Variants in NSA2 observed in about 807,000 individuals in gnomAD.
NSA2 encodes the protein NSA2 ribosome biogenesis factor.
A neutral mutation model predicts 34.8 loss-of-function variants in NSA2; 18 were observed. The observed-to-expected ratio is 0.52, with a 90% CI of 0.36 to 0.77. The LOEUF is 0.77. Among genes scored for constraint, NSA2 ranks in the 30% least tolerant of loss-of-function variants. NSA2 has a pLI of 0.00. For missense variants in NSA2, 188 were observed against 314.7 expected (o/e 0.60, Z 3.05); for synonymous variants, 79 against 100.2 (o/e 0.79, Z 1.26).
In NSA2 at chr5:74,770,562, A is replaced by T. The variant is rs1744883795; in HGVS notation, c.343-69A>T. On this transcript the variant is annotated intron_variant, in intron 3 of 5. Coordinates refer to ENST00000610426, the MANE Select transcript of NSA2 (RefSeq NM_014886.6). ...ATAGATCTATTACTTTGTACAACTA[A>T]AACATATTTGACTTATTCTCATTGT... 4 of 1,272,514 alleles carry T rather than the reference A, an allele frequency of 3.1e-6. No homozygotes were observed. In the East Asian group the frequency reaches 7.1e-5, roughly 23 times the overall value. The allele number at this position is 1,272,514 out of a possible 1,614,324, so 78.8% of individuals were successfully genotyped here. A position where few individuals can be genotyped will look rare whatever the true frequency, so the allele number is the denominator to read the frequency against.
In NSA2 at chr5:74,779,400, C is replaced by T. The variant is rs142619306; in HGVS notation, c.*2729C>T. The T allele has an allele frequency of 1.4e-4, 22 of 152,130 alleles. No individual in the cohort carries two copies. The highest frequency in any genetic ancestry group is 3.4e-3 in the Middle Eastern group (1 of 292). The allele number at this position is 152,130 out of a possible 1,614,324, so 9.4% of individuals were successfully genotyped here. ...GCAAGGATGACACAAATTCATGAAG[C>T]GTTTCCATGTTTAAAATAATTTGAA... On this transcript the variant is annotated 3_prime_UTR_variant, in exon 6 of 6. Transcript: ENST00000610426.
intron 5 of NSA2, among the ~76,000 whole-genome samples, chr5:74,775,382 G>A (rs1443095770): frequency 1.3e-5 from 2 of 151,836 alleles, no homozygotes; most frequent in Non-Finnish European, 2.9e-5. Context: ...TGGGGAGGCC[G>A]AGGCAGGCGG....
At chr5:74,773,685 C>A (rs1334275646) in intron 4 of NSA2, among the ~76,000 whole-genome samples, 183 bp from the exon 5 acceptor site, 1 of 152,106 alleles carries the variant, frequency 6.6e-6, no homozygotes, top group East Asian at 1.9e-4. Context: ...GTTTTCCCCA[C>A]ATATTTATAC....
intron 1 of NSA2, 79 bp downstream of exon 1, chr5:74,767,442 G>A: frequency 3.9e-6 from 6 of 1,557,110 alleles, no homozygotes; most frequent in Non-Finnish European, 5.3e-6. Flanking sequence ...CGCTGGGGTA[G>A]GGGGTGAGCG....
At position 74,774,429 on chromosome 5, in the gene NSA2, C is replaced by T. The variant is rs1745044088; in HGVS notation, c.715+369C>T. 3.3e-5 allele frequency among the ~76,000 whole-genome samples: 5 copies of T among 151,802 alleles called. No homozygotes were observed. The South Asian group carries it at 1.0e-3, about 32-fold the overall frequency. ...CCAGCCTGGCCAACATGGCAAAACCCCACCTCTACTAAAAATACAAAAAAA... is the reference window on the plus strand; with the variant it reads ...CCAGCCTGGCCAACATGGCAAAACCTCACCTCTACTAAAAATACAAAAAAA... On this transcript the variant is annotated intron_variant, in intron 5 of 5. Coordinates refer to ENST00000610426, the MANE Select transcript of NSA2 (RefSeq NM_014886.6).
chr5:74,775,202 C>T lies in NSA2; in HGVS notation c.715+1142C>T, dbSNP rs747369428. Among the ~76,000 whole-genome samples the T allele has an allele frequency of 1.4e-4, 21 of 152,138 alleles. No homozygotes were observed. In the South Asian group the frequency reaches 1.9e-3, roughly 14 times the overall value. ...TTGCACTCCAGCCTGGATGACAGAG[C>T]GAGACTCTGTCTCAAAAAGTAATAA... On this transcript the variant is annotated intron_variant, in intron 5 of 5. Coordinates refer to ENST00000610426, the MANE Select transcript of NSA2 (RefSeq NM_014886.6).
chr5:74,772,355 G>A (rs1057216605), intron 4 of NSA2, among the ~76,000 whole-genome samples: 5 of 152,018 alleles, frequency 3.3e-5, no homozygotes, highest in Non-Finnish European at 7.4e-5. Flanking sequence ...CTCGATCTCC[G>A]TGATCCGCCC....
chr5:74,769,541 A>C, intron 3 of NSA2, 177 bp downstream of exon 3: 1 of 481,158 alleles, frequency 2.1e-6, no homozygotes, highest in Non-Finnish European at 3.5e-6. Flanking sequence ...ATAAGGTTTT[A>C]AAATTTAAGT....
At chr5:74,770,897 TA>T (rs918852696) in intron 4 of NSA2, 87 bp downstream of exon 4, 1 of 1,032,248 alleles carries the variant, frequency 9.7e-7, no homozygotes, top group African/African-American at 1.7e-5. Flanking sequence ...TGAAATTCTT[TA>T]AATTGATGTG....
At chr5:74,767,709 G>A (rs979694657) in intron 1 of NSA2, among the ~76,000 whole-genome samples, 2 of 152,190 alleles carry the variant, frequency 1.3e-5, no homozygotes, top group African/African-American at 4.8e-5. Context: ...CCCTTGTACA[G>A]TCTTAGATGT....
In NSA2 at chr5:74,776,999, C is replaced by G. The variant is rs1379932964; in HGVS notation, c.*328C>G. The G allele has an allele frequency of 5.5e-6, 1 of 181,992 alleles. No homozygotes were observed. The highest frequency in any genetic ancestry group is 2.4e-5 in the African/African-American group (1 of 42,322). 11.3% of individuals were successfully genotyped at this position (181,992 alleles called of 1,614,324 possible). ...AATGCCTTTCAAAAAGGTTAATACACAATTATGTGTCTGAGAATTTAACTG... is the reference window on the plus strand; with the variant it reads ...AATGCCTTTCAAAAAGGTTAATACAGAATTATGTGTCTGAGAATTTAACTG... On this transcript the variant is annotated 3_prime_UTR_variant, in exon 6 of 6. Coordinates refer to ENST00000610426, the MANE Select transcript of NSA2 (RefSeq NM_014886.6).
chr5:74,771,296 C>T (rs1320153246), intron 4 of NSA2, among the ~76,000 whole-genome samples: 1 of 151,458 alleles, frequency 6.6e-6, no homozygotes, highest in Non-Finnish European at 1.5e-5. Context: ...AAAAAAAAAT[C>T]TTTTCAGCTT....
chr5:74,773,245 C>A (rs1438084915), intron 4 of NSA2, among the ~76,000 whole-genome samples: 1 of 151,826 alleles, frequency 6.6e-6, no homozygotes, highest in Non-Finnish European at 1.5e-5. Context: ...AGCATAGTGG[C>A]CTGGTATATA....
intron 4 of NSA2, chr5:74,771,393 A>G (rs1045830734): frequency 6.6e-6 from 1 of 152,184 alleles, no homozygotes; most frequent in Non-Finnish European, 1.5e-5. Context: ...TTCATTTTCC[A>G]CAGTCATATT....
At chr5:74,770,331 T>C (rs1333271831) in intron 3 of NSA2, among the ~76,000 whole-genome samples, 3 of 101,538 alleles carry the variant, frequency 3.0e-5, no homozygotes, top group Admixed American at 2.2e-4. Flanking sequence ...AGACTCCATC[T>C]AAAAAAAAAA....
intron 3 of NSA2, 35 bp downstream of exon 3, chr5:74,769,399 A>T: frequency 6.5e-7 from 1 of 1,543,456 alleles, no homozygotes; most frequent in Non-Finnish European, 8.7e-7. Context: ...TGTTTTGTTT[A>T]GGAGAATTAC....
At chr5:74,768,806 C>G (rs915648443) in intron 1 of NSA2, 125 bp from the exon 2 acceptor site, 1 of 725,186 alleles carries the variant, frequency 1.4e-6, no homozygotes, top group African/African-American at 1.8e-5. Flanking sequence ...CTTAATGGTG[C>G]AAGAATCATT....
chr5:74,774,974 G>C (rs1293025466), intron 5 of NSA2, among the ~76,000 whole-genome samples: 1 of 152,196 alleles, frequency 6.6e-6, no homozygotes, highest in Non-Finnish European at 1.5e-5. Context: ...CCAGCACTTT[G>C]GGAGGCTGAG....
In NSA2 at chr5:74,774,973, T is replaced by A. The variant is rs1375243504; in HGVS notation, c.715+913T>A. On this transcript the variant is annotated intron_variant, in intron 5 of 5. Transcript: ENST00000610426. The stretch of plus-strand genomic sequence containing the variant: ...GGCTCAGCCTGTAATCCCAGCACTT[T>A]GGGAGGCTGAGGCGGACAGATCATC... Among the ~76,000 whole-genome samples, 4 of 152,080 alleles carry A rather than the reference T, an allele frequency of 2.6e-5. 1 individual carries two copies. In the South Asian group the frequency reaches 6.2e-4, roughly 24 times the overall value.
Sources: allele counts gnomAD v4.1 joint callset (sites outside exome capture counted in the v4.1 genomes callset), GRCh38; gene constraint gnomAD v4.1.1; transcripts MANE v1.5; gene names NCBI Gene and HGNC (gene_info 2026-07-23, HGNC 2026-07-21).